Variants in OTOGL observed in about 807,000 individuals in gnomAD.
The protein encoded by OTOGL is otogelin like, also known as otogelin-like protein.
A neutral mutation model predicts 318.5 loss-of-function variants in OTOGL; 285 were observed. That is an observed-to-expected ratio of 0.89 (90% CI 0.81 to 0.99). The LOEUF (loss-of-function observed/expected upper bound fraction) is 0.99, where lower values mean the gene tolerates loss of function less well. Ranked by LOEUF, OTOGL falls within the 50% of genes least tolerant of loss-of-function variation. The pLI is 0.00. For missense variants in OTOGL, 2,899 were observed against 2,845.6 expected (o/e 1.02, Z -0.43); for synonymous variants, 987 against 936.5 (o/e 1.05, Z -0.99).
At chr12:80,139,345 T>C (rs1036213843) in intron 1 of OTOGL, among the ~76,000 whole-genome samples, 5 of 152,250 alleles carry the variant, frequency 3.3e-5, no homozygotes, top group Non-Finnish European at 7.3e-5. Flanking sequence ...TCCATTTTCA[T>C]TTAAATAAGT....
intron 4 of OTOGL, among the ~76,000 whole-genome samples, chr12:80,215,275 T>C (rs556818605): frequency 6.6e-6 from 1 of 151,428 alleles, no homozygotes; most frequent in East Asian, 2.0e-4. Flanking sequence ...CAAGCTATTC[T>C]CCTGCCTTAG....
At position 80,282,706 on chromosome 12, in the gene OTOGL, T is replaced by C. The variant is rs546926657; in HGVS notation, c.2928+3540T>C. On this transcript the variant is annotated intron_variant, in intron 26 of 58. Coordinates refer to ENST00000547103, the MANE Select transcript of OTOGL (RefSeq NM_001378609.3). ...GTATAAATTTAGAGGCTTAGAAAAG[T>C]AGATAACAGTTTAGAAATTTGAACA... Among the ~76,000 whole-genome samples the C allele has an allele frequency of 2.0e-4, 31 of 152,034 alleles. No homozygotes were observed. In the South Asian group the frequency reaches 6.4e-3, roughly 32 times the overall value.
At position 80,262,008 on chromosome 12, in the gene OTOGL, C is replaced by G. The variant is rs150597873; in HGVS notation, c.1929C>G (p.His643Gln). The G allele has an allele frequency of 1.1e-5, 17 of 1,612,994 alleles. No homozygotes were observed. The highest frequency in any genetic ancestry group is 1.4e-5 in the Non-Finnish European group (16 of 1,179,298). ...SGMIEGTPQL[H>Q]ANAWRVSSTC... The stretch of plus-strand genomic sequence containing the variant: ...TGATAGAAGGTACACCACAACTTCA[C>G]GCAAATGCGTGGAGAGTTTCTTCTA... The change falls in exon 19 of 59, where the codon CAC becomes CAG. Residue 643 changes from histidine to glutamine, a missense_variant. Physicochemically the swap from His to Gln is conservative, Grantham distance 24. Around this residue, in one of 3 missense-constraint regions of OTOGL, gnomAD observed 2,607 missense variants for 2,524.9 expected, o/e 1.03. Coordinates refer to ENST00000547103, the MANE Select transcript of OTOGL (RefSeq NM_001378609.3).
At chr12:80,322,124 TG>T (rs1887375669) in intron 34 of OTOGL, among the ~76,000 whole-genome samples, 1 of 152,168 alleles carries the variant, frequency 6.6e-6, no homozygotes, top group African/African-American at 2.4e-5. Context: ...ATTTTGCAGT[TG>T]TTTTGAGATC....
Position 80,271,628 on chromosome 12 carries a change from G to A in OTOGL, c.2519-20G>A. 1.9e-6 allele frequency: 3 copies of A among 1,607,534 alleles called. No homozygotes were observed. Among genetic ancestry groups the A allele is most frequent in the African/African-American group, 1.3e-5 (1 of 74,794 alleles). On this transcript the variant is annotated intron_variant, in intron 23 of 58. Transcript: ENST00000547103. ...CATGACAAAAAGTTAAGGACATTTTGTCTGTGCTTATATCTGAAGTTCACA... is the reference window on the plus strand; with the variant it reads ...CATGACAAAAAGTTAAGGACATTTTATCTGTGCTTATATCTGAAGTTCACA...
chr12:80,294,891 G>A (rs998717042), intron 26 of OTOGL, among the ~76,000 whole-genome samples: 6 of 152,038 alleles, frequency 3.9e-5, no homozygotes, highest in Admixed American at 1.3e-4. Flanking sequence ...GTTTGAGACC[G>A]GCCTGGGTAA....
At chr12:80,158,738 T>G (rs1333160204) in intron 1 of OTOGL, among the ~76,000 whole-genome samples, 1 of 152,044 alleles carries the variant, frequency 6.6e-6, no homozygotes, top group African/African-American at 2.4e-5. Flanking sequence ...TTCAGAGGAA[T>G]CTTTAGGGTT....
intron 1 of OTOGL, among the ~76,000 whole-genome samples, chr12:80,104,405 C>G (rs968401601): frequency 6.6e-6 from 1 of 152,164 alleles, no homozygotes; most frequent in Non-Finnish European, 1.5e-5. Context: ...GATACTTAGG[C>G]CCTGCCTCAG....
At chr12:80,142,069 C>T (rs1354999542) in intron 1 of OTOGL, among the ~76,000 whole-genome samples, 1 of 151,984 alleles carries the variant, frequency 6.6e-6, no homozygotes, top group African/African-American at 2.4e-5. Context: ...AATGGGAGAA[C>T]TTTTGAGTTT....
intron 24 of OTOGL, among the ~76,000 whole-genome samples, chr12:80,272,333 G>A (rs536677614): frequency 3.6e-4 from 53 of 147,758 alleles, no homozygotes; most frequent in Middle Eastern, 3.4e-3. Context: ...GCCTCAATTA[G>A]GCATTGTGAT....
chr12:80,258,408 A>G (rs1882248641), intron 18 of OTOGL, among the ~76,000 whole-genome samples: 1 of 152,256 alleles, frequency 6.6e-6, no homozygotes, highest in Non-Finnish European at 1.5e-5. Context: ...CAATATCAGT[A>G]TGCATTAGTG....
chr12:80,374,546 C>T (rs1481672426), intron 57 of OTOGL, among the ~76,000 whole-genome samples: 2 of 152,126 alleles, frequency 1.3e-5, no homozygotes, highest in Admixed American at 1.3e-4. Flanking sequence ...TCAGAATTCT[C>T]TAAATCAAAT....
chr12:80,152,675 T>C (rs1264303118), intron 1 of OTOGL, among the ~76,000 whole-genome samples: 1 of 152,180 alleles, frequency 6.6e-6, no homozygotes, highest in Non-Finnish European at 1.5e-5. Context: ...TTGTCATCAA[T>C]TTTTAAATTT....
intron 11 of OTOGL, 44 bp from the exon 12 acceptor site, chr12:80,251,649 C>A: frequency 6.9e-7 from 1 of 1,457,408 alleles, no homozygotes; most frequent in Non-Finnish European, 9.4e-7. Context: ...TGGTTTCTGT[C>A]AATATTTCCT....
At chr12:80,193,705 G>A (rs1359107130) in intron 1 of OTOGL, among the ~76,000 whole-genome samples, 3 of 152,178 alleles carry the variant, frequency 2.0e-5, no homozygotes, top group African/African-American at 7.2e-5. Flanking sequence ...ACATGTGCAA[G>A]AGCCAGGAAG....
At chr12:80,121,705 A>G (rs1870500428) in intron 1 of OTOGL, among the ~76,000 whole-genome samples, 1 of 152,230 alleles carries the variant, frequency 6.6e-6, no homozygotes, top group Non-Finnish European at 1.5e-5. Flanking sequence ...TAAAATTAAA[A>G]TGTAATATTT....
intron 4 of OTOGL, among the ~76,000 whole-genome samples, chr12:80,215,505 C>A (rs189760645): frequency 1.8e-4 from 27 of 152,196 alleles, no homozygotes; most frequent in Non-Finnish European, 3.4e-4. Context: ...TGGCACTATT[C>A]TTGGTGTGTC....
At chr12:80,368,476 A>G (rs1452548982) in intron 55 of OTOGL, among the ~76,000 whole-genome samples, 167 bp downstream of exon 55, 2 of 151,448 alleles carry the variant, frequency 1.3e-5, no homozygotes, top group African/African-American at 2.4e-5. Context: ...GAAGTATCTG[A>G]TAATTTATGT....
intron 38 of OTOGL, 113 bp from the exon 39 acceptor site, chr12:80,335,850 A>G (rs1219078224): frequency 4.2e-6 from 4 of 953,508 alleles, no homozygotes; most frequent in Non-Finnish European, 5.7e-6. Flanking sequence ...ATCTTTCAAA[A>G]GTTTTTGTAT....
Sources: allele counts gnomAD v4.1 joint callset (sites outside exome capture counted in the v4.1 genomes callset), GRCh38; gene constraint gnomAD v4.1.1; regional missense constraint gnomAD v4.1.1; transcripts MANE v1.5; gene names NCBI Gene and HGNC (gene_info 2026-07-23, HGNC 2026-07-21).